UGT2A3: variants seen among roughly 807,000 people sequenced by gnomAD.
UGT2A3 encodes UDP-glucuronosyltransferase 2A3.
Under a neutral mutation model 44.1 loss-of-function variants are expected in UGT2A3, and 55 were observed. The observed-to-expected ratio is 1.25, with a 90% CI of 1.00 to 1.56. The LOEUF (loss-of-function observed/expected upper bound fraction) is 1.56, where lower values mean the gene tolerates loss of function less well. Among genes scored for constraint, UGT2A3 ranks in the 40% most tolerant of loss-of-function variants. The probability of loss-of-function intolerance (pLI) is 0.00; values close to 1 mark genes in which losing one functional copy is unlikely to be tolerated. For missense variants in UGT2A3, 733 were observed against 621.6 expected (o/e 1.18, Z -1.91); for synonymous variants, 243 against 215.1 (o/e 1.13, Z -1.13).
Position 68,928,588 on chromosome 4 carries a change from G to A in UGT2A3, c.*1225C>T, listed in dbSNP as rs1717601642. On this transcript the variant is annotated 3_prime_UTR_variant, in exon 6 of 6. Transcript: ENST00000251566. ...TTGTAGATATACCTAATCAACATCTGTAAGAATTTCAAAATTTTCAAAAAG... is the reference window on the plus strand; with the variant it reads ...TTGTAGATATACCTAATCAACATCTATAAGAATTTCAAAATTTTCAAAAAG... 1 of 151,728 alleles carries A rather than the reference G, an allele frequency of 6.6e-6. No individual in the cohort carries two copies. Among genetic ancestry groups the A allele is most frequent in the African/African-American group, 2.4e-5 (1 of 41,348 alleles). 9.4% of individuals were successfully genotyped at this position (151,728 alleles called of 1,614,324 possible). A position where few individuals can be genotyped will look rare whatever the true frequency, so the allele number is the denominator to read the frequency against.
chr4:68,946,242 T>G (rs186553898), intron 1 of UGT2A3, among the ~76,000 whole-genome samples: 91 of 151,852 alleles, frequency 6.0e-4, no homozygotes, highest in African/African-American at 2.1e-3. Flanking sequence ...CAAAAACATA[T>G]TTTGCAAGTG....
chr4:68,941,124 T>C (rs1718172292), intron 2 of UGT2A3, among the ~76,000 whole-genome samples: 1 of 151,742 alleles, frequency 6.6e-6, no homozygotes, highest in South Asian at 2.1e-4. Context: ...ATCCCCTCTT[T>C]ATGGTTTCCT....
chr4:68,948,439 CTT>C (rs60082800), intron 1 of UGT2A3, among the ~76,000 whole-genome samples: 4 of 110,160 alleles, frequency 3.6e-5, no homozygotes, highest in African/African-American at 1.2e-4. Context: ...TCTTTTTTTT[CTT>C]TTTTTTTTTT....
intron 2 of UGT2A3, among the ~76,000 whole-genome samples, chr4:68,940,122 T>C (rs181088956): frequency 2.6e-5 from 4 of 152,250 alleles, no homozygotes; most frequent in South Asian, 2.1e-4. Context: ...AGTTCAACCA[T>C]TGTGGAAGAC....
intron 2 of UGT2A3, among the ~76,000 whole-genome samples, chr4:68,941,752 A>G (rs1036743642): frequency 3.9e-5 from 6 of 151,948 alleles, no homozygotes; most frequent in African/African-American, 1.4e-4. Flanking sequence ...ATAAGTTACC[A>G]TCTCAAATAT....
chr4:68,948,439 C>CTTTTTTT (rs60082800), intron 1 of UGT2A3, among the ~76,000 whole-genome samples: 21 of 110,152 alleles, frequency 1.9e-4, no homozygotes, highest in African/African-American at 5.4e-4. Context: ...TCTTTTTTTT[C>CTTTTTTT]TTTTTTTTTT....
Position 68,932,635 on chromosome 4 carries a change from G to A in UGT2A3, c.989C>T (p.Pro330Leu). The stretch of plus-strand genomic sequence containing the variant: ...ATTGGAGGTTTTACTGACCTTCTGT[G>A]GGATCTGGGCAAGGGCTGAAGCAAT... ...NIIASALAQI[P>L]QKVLWRYKGK... Residue 330 changes from proline (P) to leucine (L), a missense_variant, in exon 3 of 6, where the codon CCA becomes CTA. Coordinates refer to ENST00000251566, the MANE Select transcript of UGT2A3 (RefSeq NM_024743.4). 1 of 1,607,088 alleles carries A rather than the reference G, an allele frequency of 6.2e-7. No individual in the cohort carries two copies. Among genetic ancestry groups the A allele is most frequent in the Non-Finnish European group, 8.5e-7 (1 of 1,177,018 alleles).
rs946245024 is a variant in UGT2A3 at position 68,931,854 on chromosome 4, A to G, written c.997-612T>C. On this transcript the variant is annotated intron_variant, in intron 3 of 5. Coordinates refer to ENST00000251566, the MANE Select transcript of UGT2A3 (RefSeq NM_024743.4). ...ATTTTTCTTTGTTGGACACCTATAC[A>G]AATTTTATACATTTGAAAACAAAGA... is the stretch of plus-strand genomic sequence containing the variant. Among the ~76,000 whole-genome samples the G allele has an allele frequency of 1.4e-4, 21 of 152,132 alleles. No individual in the cohort carries two copies. The East Asian group carries it at 3.7e-3, about 27-fold the overall frequency.
rs765994007 is a variant in UGT2A3 at position 68,930,642 on chromosome 4, T to A, written c.1208A>T (p.His403Leu). Residue 403 changes from histidine to leucine, a missense_variant, in exon 5 of 6, where the codon CAC (histidine) becomes CTC (leucine). By Grantham distance (99) the His-to-Leu change is moderately conservative. Transcript: ENST00000251566. Reference protein sequence around the residue: ...IFGDQLDNIAHMKAKGAAVEI... With the variant: ...IFGDQLDNIALMKAKGAAVEI... ...TACAGCTGCTCCTTTGGCCTTCATG[T>A]GAGCTATGTTATCAAGCTGATCACC... The A allele has an allele frequency of 1.2e-6, 2 of 1,613,504 alleles. No homozygotes were observed. The highest frequency in any genetic ancestry group is 2.7e-5 in the African/African-American group (2 of 74,914).
intron 1 of UGT2A3, among the ~76,000 whole-genome samples, chr4:68,949,529 G>A (rs576690421): frequency 1.3e-4 from 19 of 151,956 alleles, no homozygotes; most frequent in Admixed American, 4.6e-4. Flanking sequence ...TGAAAAATTT[G>A]AAAAAGCATG....
At chr4:68,950,646 G>C (rs1718549192) in intron 1 of UGT2A3, among the ~76,000 whole-genome samples, 1 of 151,664 alleles carries the variant, frequency 6.6e-6, no homozygotes, top group Non-Finnish European at 1.5e-5. Flanking sequence ...TCAATTTAAT[G>C]ACTCTTGAAA....
At chr4:68,948,210 G>A (rs1283225694) in intron 1 of UGT2A3, among the ~76,000 whole-genome samples, 1 of 151,710 alleles carries the variant, frequency 6.6e-6, no homozygotes, top group Non-Finnish European at 1.5e-5. Flanking sequence ...TCTTCTGCAT[G>A]ACTTCCTATT....
intron 2 of UGT2A3, among the ~76,000 whole-genome samples, chr4:68,942,339 C>CTATA (rs1553902025): frequency 2.3e-5 from 3 of 133,292 alleles, no homozygotes; most frequent in African/African-American, 5.2e-5. Flanking sequence ...CTCTCTCTCT[C>CTATA]TATATATATA....
At chr4:68,931,102 T>C in intron 4 of UGT2A3, 53 bp downstream of exon 4, 1 of 1,395,924 alleles carries the variant, frequency 7.2e-7, no homozygotes, top group South Asian at 1.2e-5. Context: ...CTGTTTAACA[T>C]TTATTCATTT....
At chr4:68,930,441 G>T (rs892258085) in intron 5 of UGT2A3, 105 bp downstream of exon 5, 2 of 1,087,708 alleles carry the variant, frequency 1.8e-6, no homozygotes, top group Non-Finnish European at 1.3e-6. Context: ...CAATATTGTG[G>T]AGTAAAATCC....
intron 2 of UGT2A3, among the ~76,000 whole-genome samples, chr4:68,943,113 AT>A (rs1351892397): frequency 6.6e-6 from 1 of 151,850 alleles, no homozygotes; most frequent in Non-Finnish European, 1.5e-5. Context: ...TTGTAAAATT[AT>A]CAGCACAAAA....
rs117345891 is a variant in UGT2A3, at chr4:68,944,169, C to G, written c.864+1137G>C. On this transcript the variant is annotated intron_variant, in intron 2 of 5. Transcript: ENST00000251566. Reference sequence around the variant, plus strand: ...TGACCAACACAAATATAACATCTGGCCTTGTCAGGGTTTCCTATAATGTGG... The same window carrying G: ...TGACCAACACAAATATAACATCTGGGCTTGTCAGGGTTTCCTATAATGTGG... Among the ~76,000 whole-genome samples the G allele has an allele frequency of 6.9e-4, 105 of 151,868 alleles. No individual in the cohort carries two copies. In the East Asian group the frequency reaches 0.019, roughly 27 times the overall value.
rs771177052 is a variant in UGT2A3, at chr4:68,930,543, T to C, written c.1304+3A>G. On this transcript the variant is annotated splice_donor_region_variant and intron_variant, in intron 5 of 5. Coordinates refer to ENST00000251566, the MANE Select transcript of UGT2A3 (RefSeq NM_024743.4). ...ATCAGTCTGTACAAGCAGTAGTACT[T>C]ACGAGGAATCGGTAATGACTGTTCT... is the stretch of plus-strand genomic sequence containing the variant. 39 of 1,603,964 alleles carry C rather than the reference T, an allele frequency of 2.4e-5. No individual in the cohort carries two copies. Among genetic ancestry groups the C allele is most frequent in the Middle Eastern group, 1.7e-4 (1 of 6,014 alleles).
chr4:68,930,154 G>A (rs1717675410), intron 5 of UGT2A3, 62 bp from the exon 6 acceptor site: 3 of 1,493,220 alleles, frequency 2.0e-6, no homozygotes, highest in Non-Finnish European at 2.7e-6. Context: ...TAAAAGACAG[G>A]TAGATAAACC....
Sources: allele counts gnomAD v4.1 joint callset (sites outside exome capture counted in the v4.1 genomes callset), GRCh38; gene constraint gnomAD v4.1.1; transcripts MANE v1.5; gene names NCBI Gene and HGNC (gene_info 2026-07-23, HGNC 2026-07-21).